Variants in FOXK1 observed in about 807,000 individuals in gnomAD.
FOXK1 encodes forkhead box K1, also known as forkhead box protein K1.
Under a neutral mutation model 51.9 loss-of-function variants are expected in FOXK1, and 19 were observed. That is an observed-to-expected ratio of 0.37 (90% CI 0.26 to 0.54). The LOEUF (loss-of-function observed/expected upper bound fraction) is 0.54. Ranked by LOEUF, FOXK1 falls within the 20% of genes least tolerant of loss-of-function variation. FOXK1 has a pLI of 0.87. For synonymous variants in FOXK1, 537 were observed against 482.6 expected (o/e 1.11, Z -1.48); for missense variants, 870 against 1,032.7 (o/e 0.84, Z 2.16).
chr7:4,736,800 C>T (rs1004009551), intron 1 of FOXK1, among the ~76,000 whole-genome samples: 10 of 152,206 alleles, frequency 6.6e-5, no homozygotes, highest in African/African-American at 2.4e-4. Context: ...ATCACAGAAG[C>T]GCAGAGAGGT....
intron 1 of FOXK1, among the ~76,000 whole-genome samples, chr7:4,737,525 T>C (rs753358444): frequency 1.3e-5 from 2 of 149,726 alleles, no homozygotes; most frequent in Non-Finnish European, 3.0e-5. Flanking sequence ...TGCATGCATG[T>C]GTGCATTCAT....
intron 1 of FOXK1, among the ~76,000 whole-genome samples, chr7:4,726,764 G>A (rs556219198): frequency 1.4e-4 from 22 of 152,194 alleles, no homozygotes; most frequent in African/African-American, 4.8e-4. Context: ...TTCTCTTTTC[G>A]CCCACTCTAT....
chr7:4,697,005 T>C (rs1562369560), intron 1 of FOXK1, among the ~76,000 whole-genome samples: 3 of 151,840 alleles, frequency 2.0e-5, no homozygotes, highest in East Asian at 3.9e-4. Flanking sequence ...GAGGCGGAGG[T>C]TGCAGTGAGC....
rs778813897 is a variant in FOXK1 at position 4,756,980 on chromosome 7, C to G, written c.1051-14C>G. The stretch of plus-strand genomic sequence containing the variant: ...ATTTGCTGGTGATGGGTGAATATCT[C>G]TGCTTCCCTGCAGAATTCTATCCGG... On this transcript the variant is annotated splice_polypyrimidine_tract_variant and intron_variant, in intron 4 of 8. Coordinates refer to ENST00000328914, the MANE Select transcript of FOXK1 (RefSeq NM_001037165.2). This position sits in a 1 kb window ranked among gnomAD's most constrained non-coding sequence, Gnocchi z 4.1. 2.4e-5 allele frequency: 39 copies of G among 1,611,322 alleles called. No homozygotes were observed. In the South Asian group the frequency reaches 4.1e-4, roughly 17 times the overall value.
At chr7:4,706,722 G>GAC (rs1273391309) in intron 1 of FOXK1, among the ~76,000 whole-genome samples, 1 of 152,256 alleles carries the variant, frequency 6.6e-6, no homozygotes, top group African/African-American at 2.4e-5. Flanking sequence ...CCTCGTGAAA[G>GAC]ACACGTACAG....
At position 4,761,435 on chromosome 7, in the gene FOXK1, T is replaced by A; in HGVS notation, c.1921+147T>A. The A allele has an allele frequency of 2.2e-6, 2 of 893,666 alleles. No homozygotes were observed. The highest frequency in any genetic ancestry group is 2.4e-5 in the Admixed American group (1 of 41,424). The allele number at this position is 893,666 out of a possible 1,614,324, so 55.4% of individuals were successfully genotyped here. ...ACCTGCTATACTCCAGGCACTGGGGTAATGCAAAGAAAAAGAGGGTGGAAG... is the reference window on the plus strand; with the variant it reads ...ACCTGCTATACTCCAGGCACTGGGGAAATGCAAAGAAAAAGAGGGTGGAAG... On this transcript the variant is annotated intron_variant, in intron 8 of 8. Coordinates refer to ENST00000328914, the MANE Select transcript of FOXK1 (RefSeq NM_001037165.2). This position sits in a 1 kb window ranked among gnomAD's most constrained non-coding sequence, Gnocchi z 6.2.
intron 1 of FOXK1, among the ~76,000 whole-genome samples, chr7:4,706,566 A>G (rs900783383): frequency 8.5e-5 from 13 of 152,130 alleles, no homozygotes; most frequent in African/African-American, 3.1e-4. Flanking sequence ...GAACCTCTCC[A>G]CCCTTCCTCA....
intron 1 of FOXK1, among the ~76,000 whole-genome samples, chr7:4,701,189 C>T (rs564421071): frequency 6.6e-6 from 1 of 152,350 alleles, no homozygotes; most frequent in African/African-American, 2.4e-5. Context: ...CAGAGCTAAA[C>T]AGCAGGGGTT....
intron 1 of FOXK1, among the ~76,000 whole-genome samples, chr7:4,706,240 T>C (rs1188352918): frequency 1.3e-5 from 2 of 152,068 alleles, no homozygotes; most frequent in Non-Finnish European, 2.9e-5. Flanking sequence ...TGAAACCTTG[T>C]ATTTGCATAT....
intron 1 of FOXK1, among the ~76,000 whole-genome samples, chr7:4,728,141 G>A (rs1780404072): frequency 6.6e-6 from 1 of 152,174 alleles, no homozygotes; most frequent in African/African-American, 2.4e-5. Flanking sequence ...GTTTGGAGCA[G>A]TTCTGTTGGC....
At chr7:4,740,429 CAA>C (rs1240501310) in intron 1 of FOXK1, among the ~76,000 whole-genome samples, 4 of 126,856 alleles carry the variant, frequency 3.2e-5, no homozygotes, top group Admixed American at 8.5e-5. Flanking sequence ...GACTCCCTCT[CAA>C]AAAAAAAAAA....
rs375075629 is a variant in FOXK1, at chr7:4,684,202, A to G, written c.560+1334A>G. On this transcript the variant is annotated intron_variant, in intron 1 of 8. Coordinates refer to ENST00000328914, the MANE Select transcript of FOXK1 (RefSeq NM_001037165.2). ...TCCTCTGGAGCCACTTTCTTTTTCT[A>G]TTTAGTGATTGCCTCTAACTCATCA... Among the ~76,000 whole-genome samples the G allele has an allele frequency of 2.6e-5, 4 of 152,048 alleles. 1 individual carries two copies. The highest frequency in any genetic ancestry group is 3.9e-4 in the East Asian group (2 of 5,174).
At position 4,756,571 on chromosome 7, in the gene FOXK1, A is replaced by T. The variant is rs1263862495; in HGVS notation, c.1051-423A>T. Among the ~76,000 whole-genome samples, 1 of 151,770 alleles carries T rather than the reference A, an allele frequency of 6.6e-6. No individual in the cohort carries two copies. The highest frequency in any genetic ancestry group is 1.5e-5 in the Non-Finnish European group (1 of 67,920). The stretch of plus-strand genomic sequence containing the variant: ...GAGGCCGAGGTGGAAGGATTGGTTA[A>T]GCCCAAGAGTGTGAGACCCCATCTC... On this transcript the variant is annotated intron_variant, in intron 4 of 8. Coordinates refer to ENST00000328914, the MANE Select transcript of FOXK1 (RefSeq NM_001037165.2). This position sits in a 1 kb window ranked among gnomAD's most constrained non-coding sequence, Gnocchi z 4.1.
At position 4,744,149 on chromosome 7, in the gene FOXK1, T is replaced by C. The variant is rs184466856; in HGVS notation, c.746+3126T>C. Among the ~76,000 whole-genome samples the C allele has an allele frequency of 1.3e-4, 20 of 152,268 alleles. No homozygotes were observed. In the East Asian group the frequency reaches 3.7e-3, roughly 28 times the overall value. On this transcript the variant is annotated intron_variant, in intron 2 of 8. Coordinates refer to ENST00000328914, the MANE Select transcript of FOXK1 (RefSeq NM_001037165.2). ...TTAAAAAAATAAAACTATTTCCCAG[T>C]GTTAATCCAAATTTGCATAGTAAAG...
At chr7:4,699,064 T>C (rs556741216) in intron 1 of FOXK1, among the ~76,000 whole-genome samples, 1 of 152,320 alleles carries the variant, frequency 6.6e-6, no homozygotes, top group African/African-American at 2.4e-5. Context: ...CAGCCCAGGA[T>C]GGAGTTTGGC....
chr7:4,746,158 C>T (rs146404617), intron 2 of FOXK1, among the ~76,000 whole-genome samples: 81 of 152,254 alleles, frequency 5.3e-4, no homozygotes, highest in African/African-American at 1.4e-3. Flanking sequence ...TACAATTCGG[C>T]GAAGGTCAGC....
In FOXK1 at chr7:4,755,530, G is replaced by A. The variant is rs113076579; in HGVS notation, c.1050+147G>A. The A allele has an allele frequency of 2.7e-6, 3 of 1,116,740 alleles. No individual in the cohort carries two copies. Among genetic ancestry groups the A allele is most frequent in the East Asian group, 5.2e-5 (2 of 38,766 alleles). The allele number at this position is 1,116,740 out of a possible 1,614,324, so 69.2% of individuals were successfully genotyped here. On this transcript the variant is annotated intron_variant, in intron 4 of 8. Coordinates refer to ENST00000328914, the MANE Select transcript of FOXK1 (RefSeq NM_001037165.2). The surrounding 1 kb of genome is among the most constrained non-coding windows in gnomAD (Gnocchi z 6.6). ...GCATTTTGTGAGGCCGAGGCAGGAG[G>A]AGGATCAAGACCAGCCTGTGCAACA...
intron 1 of FOXK1, among the ~76,000 whole-genome samples, chr7:4,725,311 G>C (rs956342693): frequency 6.6e-6 from 1 of 152,184 alleles, no homozygotes; most frequent in African/African-American, 2.4e-5. Context: ...GAAATGCAGC[G>C]AGCACAGAGC....
chr7:4,725,367 G>A (rs1031007987), intron 1 of FOXK1, among the ~76,000 whole-genome samples: 13 of 152,228 alleles, frequency 8.5e-5, no homozygotes, highest in African/African-American at 2.2e-4. Context: ...TTCAGAAAGC[G>A]GTGGGGGTGA....
Sources: allele counts gnomAD v4.1 joint callset (sites outside exome capture counted in the v4.1 genomes callset), GRCh38; gene constraint gnomAD v4.1.1; non-coding constraint Gnocchi (gnomAD v3.1); transcripts MANE v1.5; gene names NCBI Gene and HGNC (gene_info 2026-07-23, HGNC 2026-07-21).